POU6F2: variants seen among roughly 807,000 people sequenced by gnomAD.
POU6F2 encodes the protein POU class 6 homeobox 2, also known as POU domain, class 6, transcription factor 2.
A neutral mutation model predicts 71.3 loss-of-function variants in POU6F2; 31 were observed. The observed-to-expected ratio is 0.43, with a 90% CI of 0.33 to 0.59. POU6F2 has a LOEUF of 0.59. POU6F2 is among the 20% of genes least tolerant of loss of function. POU6F2 has a pLI of 0.04. For synonymous variants in POU6F2, 347 were observed against 355.7 expected, an observed-to-expected ratio of 0.98 and a Z score of 0.27; for missense variants, 783 against 856.8, an observed-to-expected ratio of 0.91 and a Z score of 1.07.
chr7:39,165,393 G>A (rs1243508725), intron 2 of POU6F2, among the ~76,000 whole-genome samples: 1 of 152,152 alleles, frequency 6.6e-6, no homozygotes, highest in Non-Finnish European at 1.5e-5. Context: ...AGACAGTGAT[G>A]CCTTACATGA....
intron 2 of POU6F2, among the ~76,000 whole-genome samples, chr7:39,099,228 G>A (rs568091881): frequency 1.1e-4 from 17 of 152,188 alleles, no homozygotes; most frequent in Admixed American, 8.5e-4. Flanking sequence ...AAATAATAGC[G>A]ATTTTAAAAA....
At chr7:39,219,837 T>G (rs1008207790) in intron 4 of POU6F2, among the ~76,000 whole-genome samples, 2 of 152,198 alleles carry the variant, frequency 1.3e-5, no homozygotes, top group African/African-American at 4.8e-5. Context: ...GGCATTATTT[T>G]AGAAATTCTT....
At chr7:39,203,418 T>G (rs1005231926) in intron 2 of POU6F2, among the ~76,000 whole-genome samples, 3 of 152,104 alleles carry the variant, frequency 2.0e-5, no homozygotes, top group Non-Finnish European at 4.4e-5. Context: ...TTGCCACTGG[T>G]TTTATTTGTT....
chr7:39,010,213 T>C (rs1431136527), intron 1 of POU6F2, among the ~76,000 whole-genome samples: 1 of 136,272 alleles, frequency 7.3e-6, no homozygotes, highest in Non-Finnish European at 1.6e-5. Context: ...CTGTTATTGG[T>C]CTATTCAGAG....
chr7:39,321,810 G>A (rs1785398322), intron 4 of POU6F2, among the ~76,000 whole-genome samples: 1 of 151,328 alleles, frequency 6.6e-6, no homozygotes, highest in South Asian at 2.1e-4. Flanking sequence ...AGGAAGAAAG[G>A]AGGAAGGGAG....
chr7:39,028,344 A>G (rs1040276607), intron 1 of POU6F2, among the ~76,000 whole-genome samples: 1 of 152,092 alleles, frequency 6.6e-6, no homozygotes, highest in Non-Finnish European at 1.5e-5. Flanking sequence ...TTTTAAAACT[A>G]TTTCATGTTT....
intron 2 of POU6F2, among the ~76,000 whole-genome samples, chr7:39,127,013 A>C (rs1387016440): frequency 6.6e-6 from 1 of 152,226 alleles, no homozygotes; most frequent in African/African-American, 2.4e-5. Context: ...AACTAAAGAC[A>C]AACAAGGAAT....
intron 4 of POU6F2, among the ~76,000 whole-genome samples, chr7:39,336,644 G>A (rs1473449467): frequency 6.6e-6 from 1 of 152,102 alleles, no homozygotes; most frequent in East Asian, 1.9e-4. Context: ...ATCCAGATGA[G>A]TCTACTCCAG....
chr7:39,305,336 A>G (rs1395759010), intron 4 of POU6F2, among the ~76,000 whole-genome samples: 2 of 152,262 alleles, frequency 1.3e-5, no homozygotes, highest in South Asian at 2.1e-4. Context: ...TGTATAATCA[A>G]TGACAATTCC....
chr7:39,433,440 T>C (rs1334482980), intron 7 of POU6F2, among the ~76,000 whole-genome samples, 157 bp downstream of exon 7: 1 of 152,200 alleles, frequency 6.6e-6, no homozygotes, highest in African/African-American at 2.4e-5. Flanking sequence ...CATGTAACTC[T>C]TTTTCATTCT....
intron 1 of POU6F2, among the ~76,000 whole-genome samples, chr7:39,017,045 A>G (rs1048165347): frequency 5.9e-5 from 9 of 152,148 alleles, no homozygotes; most frequent in African/African-American, 1.9e-4. Context: ...TCCTGTATGT[A>G]TAAGGTTTTA....
chr7:39,415,278 C>T (rs1787647924), intron 6 of POU6F2, among the ~76,000 whole-genome samples: 1 of 152,250 alleles, frequency 6.6e-6, no homozygotes. Flanking sequence ...CTGCCTCAGC[C>T]TCCCAAAATG....
chr7:39,330,881 T>C (rs1785632001), intron 4 of POU6F2, among the ~76,000 whole-genome samples: 2 of 152,166 alleles, frequency 1.3e-5, no homozygotes, highest in Admixed American at 1.3e-4. Flanking sequence ...CAGAACTTAC[T>C]CCTCCTATCT....
intron 4 of POU6F2, among the ~76,000 whole-genome samples, chr7:39,317,204 A>G (rs1785284835): frequency 6.6e-6 from 1 of 152,232 alleles, no homozygotes; most frequent in Non-Finnish European, 1.5e-5. Flanking sequence ...TTGGAGGGTC[A>G]GTATCTCTCA....
intron 1 of POU6F2, among the ~76,000 whole-genome samples, chr7:39,032,158 T>A (rs1789958523): frequency 6.6e-6 from 1 of 152,186 alleles, no homozygotes; most frequent in African/African-American, 2.4e-5. Flanking sequence ...TGTTTACCAG[T>A]GGGCATTGGA....
chr7:39,377,646 G>T (rs1786737149), intron 5 of POU6F2, among the ~76,000 whole-genome samples: 1 of 152,244 alleles, frequency 6.6e-6, no homozygotes, highest in African/African-American at 2.4e-5. Flanking sequence ...CCCCCTCGCT[G>T]TGTCAACCTT....
At chr7:39,309,879 A>G (rs907974336) in intron 4 of POU6F2, among the ~76,000 whole-genome samples, 1 of 152,190 alleles carries the variant, frequency 6.6e-6, no homozygotes, top group Non-Finnish European at 1.5e-5. Flanking sequence ...AGAAATGCAC[A>G]TATATGTGTC....
At chr7:39,279,665 T>A (rs1784523782) in intron 4 of POU6F2, among the ~76,000 whole-genome samples, 1 of 152,230 alleles carries the variant, frequency 6.6e-6, no homozygotes, top group African/African-American at 2.4e-5. Flanking sequence ...ATTTCCTGGC[T>A]TGTACATTGT....
intron 1 of POU6F2, among the ~76,000 whole-genome samples, chr7:38,994,639 G>C (rs532956966): frequency 6.6e-6 from 1 of 152,200 alleles, no homozygotes. Flanking sequence ...GAATAAAGAA[G>C]AGTTGTGTGG....
Sources: gnomAD v4.1 joint callset for allele counts (sites outside exome capture counted in the v4.1 genomes callset) on GRCh38, gnomAD v4.1.1 for gene constraint, MANE v1.5 for transcripts, NCBI Gene and HGNC (gene_info 2026-07-23, HGNC 2026-07-21) for gene names.